SACM1L: variants seen among roughly 807,000 people sequenced by gnomAD.
The protein encoded by SACM1L is phosphatidylinositol-3-phosphatase SAC1.
Under a neutral mutation model 89.5 loss-of-function variants are expected in SACM1L, and 32 were observed. That is an observed-to-expected ratio of 0.36 (90% CI 0.27 to 0.48). The LOEUF (loss-of-function observed/expected upper bound fraction) is 0.48, where lower values mean the gene tolerates loss of function less well. Among genes scored for constraint, SACM1L ranks in the 20% least tolerant of loss-of-function variants. The pLI, the probability that SACM1L is intolerant of heterozygous loss-of-function variation, is 0.99. For synonymous variants in SACM1L, 213 were observed against 232.8 expected, an observed-to-expected ratio of 0.92 and a Z score of 0.77; for missense variants, 543 against 708.5, an observed-to-expected ratio of 0.77 and a Z score of 2.65.
chr3:45,701,986 A>G (rs1698285060), intron 1 of SACM1L, among the ~76,000 whole-genome samples: 1 of 152,232 alleles, frequency 6.6e-6, no homozygotes, highest in Admixed American at 6.5e-5. Flanking sequence ...TATCCGTACA[A>G]TGGAATGCTA....
chr3:45,714,567 G>C (rs1390592540), intron 7 of SACM1L, among the ~76,000 whole-genome samples: 1 of 152,178 alleles, frequency 6.6e-6, no homozygotes, highest in Non-Finnish European at 1.5e-5. Context: ...CTGCACTCCA[G>C]CCTGGGTGAC....
chr3:45,705,182 A>G lies in SACM1L; in HGVS notation c.178A>G (p.Ile60Val), dbSNP rs777507050. Residue 60 changes from isoleucine to valine, a missense_variant, in exon 3 of 20, where the codon ATA (isoleucine) becomes GTA (valine). Physicochemically the swap from Ile to Val is conservative, Grantham distance 29. Around this residue, in one of 2 missense-constraint regions of SACM1L, gnomAD observed 173 missense variants for 180.9 expected, o/e 0.96. Coordinates refer to ENST00000389061, the MANE Select transcript of SACM1L (RefSeq NM_014016.5). ...AGCTGTCACAAGACCAATATTTGGTATACTGGGCACAATCCATCTGGTGGC... is the reference window on the plus strand; with the variant it reads ...AGCTGTCACAAGACCAATATTTGGTGTACTGGGCACAATCCATCTGGTGGC... ...PSAVTRPIFG[I>V]LGTIHLVAGN... is the part of the protein sequence containing the mutation. 14 of 1,611,290 alleles carry G rather than the reference A, an allele frequency of 8.7e-6. No individual in the cohort carries two copies. In the African/African-American group the frequency reaches 1.1e-4, roughly 12 times the overall value.
At position 45,744,738 on chromosome 3, in the gene SACM1L, T is replaced by A. The variant is rs1198432189; in HGVS notation, c.*1069T>A. 6.6e-6 allele frequency: 1 copy of A among 152,670 alleles called. No homozygotes were observed. Among genetic ancestry groups the A allele is most frequent in the Non-Finnish European group, 1.5e-5 (1 of 68,052 alleles). 9.5% of individuals were successfully genotyped at this position (152,670 alleles called of 1,614,324 possible). A position where few individuals can be genotyped will look rare whatever the true frequency, so the allele number is the denominator to read the frequency against. ...GCAAAAACAAACCTGAAAAATATGC[T>A]TCGGAAACTGTGCATAGTTCTAATT... is the stretch of plus-strand genomic sequence containing the variant. On this transcript the variant is annotated 3_prime_UTR_variant, in exon 20 of 20. Transcript: ENST00000389061.
intron 5 of SACM1L, among the ~76,000 whole-genome samples, chr3:45,711,663 G>A (rs551451577): frequency 1.3e-5 from 2 of 152,058 alleles, no homozygotes; most frequent in South Asian, 4.2e-4. Flanking sequence ...AGTGATAAAT[G>A]GAACATATAT....
At chr3:45,725,940 G>A (rs1188271410) in intron 11 of SACM1L, among the ~76,000 whole-genome samples, 2 of 151,952 alleles carry the variant, frequency 1.3e-5, no homozygotes, top group African/African-American at 2.4e-5. Context: ...ATACTTTTCT[G>A]TATCAATCGA....
At chr3:45,714,997 A>C (rs142692865) in intron 7 of SACM1L, among the ~76,000 whole-genome samples, 1 of 152,240 alleles carries the variant, frequency 6.6e-6, no homozygotes, top group South Asian at 2.1e-4. Flanking sequence ...GAGATACACA[A>C]ATACCATTGT....
chr3:45,697,468 G>T (rs891608996), intron 1 of SACM1L, among the ~76,000 whole-genome samples: 1 of 151,510 alleles, frequency 6.6e-6, no homozygotes, highest in Non-Finnish European at 1.5e-5. Flanking sequence ...GTAGAAACGG[G>T]GTTTTGCCAT....
intron 13 of SACM1L, 72 bp from the exon 14 acceptor site, chr3:45,735,163 T>G: frequency 2.2e-6 from 3 of 1,348,458 alleles, no homozygotes; most frequent in South Asian, 1.4e-5. Context: ...ATGAGACCCA[T>G]GTTATAAGAG....
Position 45,719,544 on chromosome 3 carries a change from T to G in SACM1L, c.622T>G (p.Trp208Gly). 6.2e-7 allele frequency: 1 copy of G among 1,612,506 alleles called. No homozygotes were observed. The highest frequency in any genetic ancestry group is 8.5e-7 in the Non-Finnish European group (1 of 1,179,214). ...SCSINGKYFD[W>G]ILISRRSCFR... ...TTCTATTAATGGAAAATACTTTGAT[T>G]GGATTCTCATCTCGAGGAGGAGCTG... The change falls in exon 8 of 20, where the codon TGG becomes GGG. Residue 208 changes from tryptophan (W) to glycine (G), a missense_variant. Transcript: ENST00000389061.
intron 1 of SACM1L, among the ~76,000 whole-genome samples, chr3:45,690,798 T>C (rs1031812808): frequency 6.6e-6 from 1 of 152,202 alleles, no homozygotes; most frequent in Admixed American, 6.5e-5. Flanking sequence ...GGTGAAAGAG[T>C]TGAAGGAAGT....
intron 6 of SACM1L, chr3:45,713,783 G>T: frequency 4.4e-6 from 1 of 229,016 alleles, no homozygotes. Context: ...GAGTGAAGTT[G>T]TTGTAGGCAA....
At chr3:45,733,269 G>A (rs1559550865) in intron 13 of SACM1L, among the ~76,000 whole-genome samples, 1 of 152,156 alleles carries the variant, frequency 6.6e-6, no homozygotes, top group Non-Finnish European at 1.5e-5. Flanking sequence ...AAGGGTTTTG[G>A]GGGTAGTGGG....
At chr3:45,735,136 TTAA>T in intron 13 of SACM1L, 96 bp from the exon 14 acceptor site, 1 of 1,156,682 alleles carries the variant, frequency 8.6e-7, no homozygotes, top group Non-Finnish European at 1.2e-6. Context: ...TTTACAGTTT[TTAA>T]TAATGTCACT....
intron 1 of SACM1L, among the ~76,000 whole-genome samples, chr3:45,694,350 A>G (rs563495409): frequency 9.9e-5 from 15 of 152,274 alleles, no homozygotes; most frequent in South Asian, 6.2e-4. Flanking sequence ...ATATGATCCA[A>G]CCTTGAAAAC....
chr3:45,697,706 G>A (rs964157016), intron 1 of SACM1L, among the ~76,000 whole-genome samples: 1 of 152,170 alleles, frequency 6.6e-6, no homozygotes, highest in Non-Finnish European at 1.5e-5. Context: ...TCCATAGTAT[G>A]TGTCTTATTA....
chr3:45,702,085 A>G (rs1698288436), intron 1 of SACM1L, among the ~76,000 whole-genome samples: 2 of 152,176 alleles, frequency 1.3e-5, no homozygotes, highest in Non-Finnish European at 2.9e-5. Context: ...TGTTGTATTG[A>G]TTTTCCTTTA....
chr3:45,735,415 C>T (rs1000015452), intron 14 of SACM1L, 42 bp downstream of exon 14: 1 of 1,484,012 alleles, frequency 6.7e-7, no homozygotes, highest in Non-Finnish European at 9.0e-7. Flanking sequence ...AACAACACAG[C>T]AAAAAATTAA....
At chr3:45,715,525 C>T (rs1352415266) in intron 7 of SACM1L, among the ~76,000 whole-genome samples, 2 of 152,080 alleles carry the variant, frequency 1.3e-5, no homozygotes, top group African/African-American at 4.8e-5. Context: ...CCTGTAATCC[C>T]AGCACTTTGG....
intron 2 of SACM1L, among the ~76,000 whole-genome samples, chr3:45,704,350 G>A (rs976033328): frequency 6.6e-6 from 1 of 152,172 alleles, no homozygotes; most frequent in Admixed American, 6.5e-5. Flanking sequence ...ATGAGATAAT[G>A]GGGTGTAAGA....
Sources: gnomAD v4.1 joint callset for allele counts (sites outside exome capture counted in the v4.1 genomes callset) on GRCh38, gnomAD v4.1.1 for gene constraint, gnomAD v4.1.1 regional missense constraint, MANE v1.5 for transcripts, NCBI Gene and HGNC (gene_info 2026-07-23, HGNC 2026-07-21) for gene names.